AFDN: variants seen among roughly 807,000 people sequenced by gnomAD.
AFDN encodes the protein afadin.
Under a neutral mutation model 216.6 loss-of-function variants are expected in AFDN, and 68 were observed. The observed-to-expected ratio is 0.31, with a 90% CI of 0.26 to 0.38. The LOEUF (loss-of-function observed/expected upper bound fraction) is 0.38. Ranked by LOEUF, AFDN falls within the 10% of genes least tolerant of loss-of-function variation. The probability of loss-of-function intolerance (pLI) is 1.00; values close to 1 mark genes in which losing one functional copy is unlikely to be tolerated. For synonymous variants in AFDN, 868 were observed against 853.7 expected (o/e 1.02, Z -0.29); for missense variants, 2,136 against 2,342.0 (o/e 0.91, Z 1.82).
intron 1 of AFDN, among the ~76,000 whole-genome samples, chr6:167,837,875 C>T (rs570649904): frequency 3.4e-4 from 52 of 152,156 alleles, no homozygotes; most frequent in Admixed American, 1.2e-3. Flanking sequence ...AAATAATATC[C>T]AAGTAGAAAA....
chr6:167,827,457 C>T (rs1316762162), intron 1 of AFDN, among the ~76,000 whole-genome samples: 3 of 145,690 alleles, frequency 2.1e-5, no homozygotes, highest in Non-Finnish European at 4.6e-5. Context: ...TCGCGCGGGC[C>T]GAGCGGGGGC....
At chr6:167,838,016 T>A (rs1237304690) in intron 1 of AFDN, among the ~76,000 whole-genome samples, 1 of 152,240 alleles carries the variant, frequency 6.6e-6, no homozygotes, top group Non-Finnish European at 1.5e-5. Context: ...TTGATTTTCA[T>A]CTAGACTTTT....
chr6:167,965,783 C>G lies in AFDN; in HGVS notation c.4995C>G (p.Ser1665Arg). 1.1e-5 allele frequency: 17 copies of G among 1,558,162 alleles called. No homozygotes were observed. Among genetic ancestry groups the G allele is most frequent in the Non-Finnish European group, 1.5e-5 (17 of 1,153,566 alleles). The part of the protein sequence containing the change: ...EKRRQEEGYY[S>R]RLEAERRRQH... The stretch of plus-strand genomic sequence containing the variant: ...GGCGACAGGAAGAAGGGTATTACAG[C>G]CGCCTGGAAGCCGAGAGGCGCAGAC... Residue 1665 changes from serine to arginine, a missense_variant, in exon 32 of 34, where the codon AGC becomes AGG. Ser to Arg is a moderately radical substitution (Grantham distance 110). This residue lies in a region of AFDN where 981 missense variants were observed against 966.0 expected (regional missense o/e 1.02). Transcript: ENST00000683244.
chr6:167,935,622 T>C (rs1793899576), intron 23 of AFDN, among the ~76,000 whole-genome samples: 1 of 152,248 alleles, frequency 6.6e-6, no homozygotes, highest in Non-Finnish European at 1.5e-5. Context: ...TAATCCTGAA[T>C]AATTAGTTTT....
chr6:167,870,537 G>T, intron 3 of AFDN, 39 bp downstream of exon 3: 2 of 1,292,844 alleles, frequency 1.5e-6, no homozygotes, highest in Non-Finnish European at 2.2e-6. Context: ...CTTGGTCCAG[G>T]GCCAGGTCTG....
At chr6:167,861,251 G>A (rs1194513068) in intron 1 of AFDN, among the ~76,000 whole-genome samples, 1 of 152,134 alleles carries the variant, frequency 6.6e-6, no homozygotes, top group Non-Finnish European at 1.5e-5. Context: ...GTTTATTAAG[G>A]GAATATTCTG....
intron 1 of AFDN, among the ~76,000 whole-genome samples, chr6:167,847,579 C>A (rs1209337890): frequency 6.6e-6 from 1 of 152,216 alleles, no homozygotes; most frequent in African/African-American, 2.4e-5. Flanking sequence ...GGATTCCTTT[C>A]TTCCTCTCAG....
chr6:167,966,358 T>TTG, intron 32 of AFDN: 2 of 1,181,318 alleles, frequency 1.7e-6, no homozygotes, highest in Non-Finnish European at 2.2e-6. Context: ...TGTAGTATGG[T>TTG]CCATGGCGAT....
chr6:167,869,199 A>G (rs768237973), intron 2 of AFDN, among the ~76,000 whole-genome samples: 8 of 152,096 alleles, frequency 5.3e-5, no homozygotes, highest in Non-Finnish European at 1.2e-4. Flanking sequence ...AGAGCTGGAC[A>G]GGGAGTGATG....
chr6:167,858,144 C>G (rs1014508347), intron 1 of AFDN, among the ~76,000 whole-genome samples: 1 of 152,096 alleles, frequency 6.6e-6, no homozygotes, highest in African/African-American at 2.4e-5. Context: ...ATAATGCTGA[C>G]TAAGAGTTTG....
chr6:167,900,624 G>A (rs1377035364), intron 11 of AFDN, among the ~76,000 whole-genome samples: 1 of 152,166 alleles, frequency 6.6e-6, no homozygotes, highest in East Asian at 1.9e-4. Flanking sequence ...AAAGAATTTT[G>A]CATGGTGGAA....
chr6:167,844,513 T>C (rs1222410664), intron 1 of AFDN, among the ~76,000 whole-genome samples: 1 of 152,128 alleles, frequency 6.6e-6, no homozygotes, highest in African/African-American at 2.4e-5. Context: ...ATGAACACTT[T>C]GACTGTTTCC....
intron 13 of AFDN, among the ~76,000 whole-genome samples, chr6:167,907,778 G>T (rs1282963967): frequency 2.0e-5 from 3 of 151,648 alleles, no homozygotes; most frequent in African/African-American, 4.8e-5. Context: ...GATGGAGGAT[G>T]AATTTTTTTT....
rs35140809 is a variant in AFDN at position 167,896,967 on chromosome 6, A to G, written c.1312A>G (p.Ile438Val). The G allele has an allele frequency of 0.024, 38,523 of 1,600,696 alleles. 580 individuals carry two copies. The highest frequency in any genetic ancestry group is 0.031 in the Middle Eastern group (190 of 6,042). ...GACAGAAAAGTTGGATGACAACTCTATCCAGGTACGTAGTCTGAGCTTCCT... is the reference window on the plus strand; with the variant it reads ...GACAGAAAAGTTGGATGACAACTCTGTCCAGGTACGTAGTCTGAGCTTCCT... ...VGTEKLDDNS[I>V]QLFGPGIQPH... The change falls in exon 10 of 34, where the codon ATC becomes GTC. Residue 438 changes from isoleucine to valine, a missense_variant. Transcript: ENST00000683244.
intron 5 of AFDN, among the ~76,000 whole-genome samples, chr6:167,878,072 G>T (rs957680710): frequency 2.7e-5 from 4 of 146,712 alleles, no homozygotes; most frequent in Admixed American, 6.8e-5. Context: ...TATTGTTATG[G>T]TTTTTTTTTT....
At chr6:167,910,280 A>G (rs1790223064) in intron 13 of AFDN, among the ~76,000 whole-genome samples, 1 of 152,228 alleles carries the variant, frequency 6.6e-6, no homozygotes, top group African/African-American at 2.4e-5. Context: ...GAGTAGTTTC[A>G]CAAAACAGCC....
chr6:167,942,625 ATATT>A (rs755016370), intron 23 of AFDN, among the ~76,000 whole-genome samples: 3 of 152,100 alleles, frequency 2.0e-5, no homozygotes, highest in Non-Finnish European at 4.4e-5. Context: ...TGTTGCTTTG[ATATT>A]TATTTACAGT....
At chr6:167,827,984 T>G (rs1349133820) in intron 1 of AFDN, 1 of 152,190 alleles carries the variant, frequency 6.6e-6, no homozygotes, top group East Asian at 1.9e-4. Context: ...TCCGAGCAGC[T>G]TTTAAAAAAA....
At chr6:167,963,723 A>G (rs1466019264) in intron 31 of AFDN, 1 of 1,061,594 alleles carries the variant, frequency 9.4e-7, no homozygotes, top group Admixed American at 5.4e-5. Context: ...AGTCCTCTCA[A>G]AGAGTTTGAG....
Sources: gnomAD v4.1 joint callset for allele counts (sites outside exome capture counted in the v4.1 genomes callset) on GRCh38, gnomAD v4.1.1 for gene constraint, gnomAD v4.1.1 regional missense constraint, MANE v1.5 for transcripts, NCBI Gene and HGNC (gene_info 2026-07-23, HGNC 2026-07-21) for gene names.